Variants in TRIM69 observed in about 807,000 individuals in gnomAD.
The protein encoded by TRIM69 is E3 ubiquitin-protein ligase TRIM69.
TRIM69 carries 29 observed loss-of-function variants against 37.7 expected under a neutral mutation model. The observed-to-expected ratio is 0.77, with a 90% CI of 0.57 to 1.05. The LOEUF is 1.05. Among genes scored for constraint, TRIM69 ranks in the 50% least tolerant of loss-of-function variants. The pLI, the probability that TRIM69 is intolerant of heterozygous loss-of-function variation, is 0.00. For missense variants in TRIM69, 596 were observed against 579.9 expected (o/e 1.03, Z -0.28); for synonymous variants, 209 against 212.4 (o/e 0.98, Z 0.14).
chr15:44,746,773 CACACAT>C (rs1237869480), intron 1 of TRIM69, among the ~76,000 whole-genome samples: 14 of 151,582 alleles, frequency 9.2e-5, no homozygotes, highest in African/African-American at 1.7e-4. Context: ...CACACACACA[CACACAT>C]CTTTCTTTAA....
chr15:44,767,402 G>A lies in TRIM69; in HGVS notation c.1133G>A (p.Trp378Ter), dbSNP rs751612940. 1 of 1,614,128 alleles carries A rather than the reference G, an allele frequency of 6.2e-7. No individual in the cohort carries two copies. Among genetic ancestry groups the A allele is most frequent in the Non-Finnish European group, 8.5e-7 (1 of 1,180,026 alleles). The change falls in exon 7 of 7, where the codon TGG becomes TAG. Residue 378 changes from tryptophan (W) to a stop codon, truncating the protein, a stop_gained. Coordinates refer to ENST00000329464, the MANE Select transcript of TRIM69 (RefSeq NM_182985.5). LOFTEE classifies it high-confidence loss of function. ...TCAAGAGGCTTCACCTCTGGAAAGT[G>A]GTACTGGGAAGTAGAAGTAGCAAAG... is the stretch of plus-strand genomic sequence containing the variant. ...LGSRGFTSGKWYWEVEVAKKT... is the reference protein window; with the variant it reads ...LGSRGFTSGK
At chr15:44,744,868 G>C (rs1017675733) in intron 1 of TRIM69, among the ~76,000 whole-genome samples, 2 of 152,130 alleles carry the variant, frequency 1.3e-5, no homozygotes, top group Non-Finnish European at 2.9e-5. Flanking sequence ...TGGAGGTATA[G>C]TTTGGAAACA....
chr15:44,744,797 A>G (rs1371800536), intron 1 of TRIM69, among the ~76,000 whole-genome samples: 1 of 152,164 alleles, frequency 6.6e-6, no homozygotes. Flanking sequence ...GAAGTATTAC[A>G]TAAAAGGCTT....
chr15:44,740,748 T>C (rs2141307133), intron 1 of TRIM69, among the ~76,000 whole-genome samples: 1 of 151,398 alleles, frequency 6.6e-6, no homozygotes, highest in African/African-American at 2.4e-5. Flanking sequence ...AAGGGATCAA[T>C]TCAACAAGAA....
intron 1 of TRIM69, among the ~76,000 whole-genome samples, chr15:44,745,593 T>A (rs1323792048): frequency 6.6e-6 from 1 of 152,144 alleles, no homozygotes; most frequent in Non-Finnish European, 1.5e-5. Context: ...TAGACAAAGA[T>A]TTTATATCAA....
intron 1 of TRIM69, among the ~76,000 whole-genome samples, chr15:44,747,568 C>T (rs1197677846): frequency 2.0e-5 from 3 of 152,050 alleles, no homozygotes; most frequent in East Asian, 1.9e-4. Flanking sequence ...GAGTGAGAAG[C>T]GTCAACATCT....
Position 44,755,307 on chromosome 15 carries a change from G to A in TRIM69, c.414G>A (p.Lys138=). The change falls in exon 2 of 7, where the codon AAG becomes AAA. Residue 138 remains lysine (K), a synonymous_variant. Coordinates refer to ENST00000329464, the MANE Select transcript of TRIM69 (RefSeq NM_182985.5). ...GGAAACTGATCTGCTTTCAATGCAA[G>A]GATGCTCGGTTGTCTGTGGGGCAGT... ...PDGKLICFQC[K]DARLSVGQSK... The A allele has an allele frequency of 6.2e-7, 1 of 1,614,100 alleles. No homozygotes were observed. Among genetic ancestry groups the A allele is most frequent in the Non-Finnish European group, 8.5e-7 (1 of 1,180,020 alleles).
chr15:44,764,514 T>A (rs539338938), intron 6 of TRIM69, among the ~76,000 whole-genome samples: 1 of 151,968 alleles, frequency 6.6e-6, no homozygotes, highest in Non-Finnish European at 1.5e-5. Flanking sequence ...CACTTTTCTG[T>A]AAAGGTTTGA....
rs2087730073 is a variant in TRIM69, at chr15:44,759,633, C to A, written c.814-7C>A. ...CATCTGATGTCTCTCTTTCTCCTTT[C>A]TTCTAGGACATCACAACTCTCTTAC... On this transcript the variant is annotated splice_region_variant and splice_polypyrimidine_tract_variant and intron_variant, in intron 4 of 6. Coordinates refer to ENST00000329464, the MANE Select transcript of TRIM69 (RefSeq NM_182985.5). The A allele has an allele frequency of 1.2e-6, 2 of 1,613,686 alleles. No individual in the cohort carries two copies. Among genetic ancestry groups the A allele is most frequent in the Non-Finnish European group, 1.7e-6 (2 of 1,179,866 alleles).
intron 1 of TRIM69, among the ~76,000 whole-genome samples, chr15:44,745,673 C>G (rs1004823882): frequency 6.6e-6 from 1 of 152,064 alleles, no homozygotes; most frequent in African/African-American, 2.4e-5. Flanking sequence ...ACTGATGTCT[C>G]ACCAAATAGT....
At chr15:44,755,541 G>C (rs1389725879) in intron 2 of TRIM69, among the ~76,000 whole-genome samples, 165 bp downstream of exon 2, 1 of 152,184 alleles carries the variant, frequency 6.6e-6, no homozygotes, top group Non-Finnish European at 1.5e-5. Flanking sequence ...TTCTAGAGTT[G>C]CTGCTTATAG....
intron 1 of TRIM69, among the ~76,000 whole-genome samples, chr15:44,751,519 C>G (rs1203106344): frequency 6.6e-6 from 1 of 152,126 alleles, no homozygotes; most frequent in Non-Finnish European, 1.5e-5. Context: ...TCTGCTTTGG[C>G]CTCCCAAAAT....
At chr15:44,756,316 TG>T in intron 2 of TRIM69, 51 bp from the exon 3 acceptor site, 1 of 1,304,712 alleles carries the variant, frequency 7.7e-7, no homozygotes, top group Non-Finnish European at 1.1e-6. Flanking sequence ...ATGTCCTTTA[TG>T]GTCCTTCATC....
intron 1 of TRIM69, among the ~76,000 whole-genome samples, chr15:44,750,165 CTG>C (rs1426468280): frequency 6.6e-6 from 1 of 152,136 alleles, no homozygotes; most frequent in Non-Finnish European, 1.5e-5. Flanking sequence ...TTCTTCCATT[CTG>C]TGAGTTGTCT....
intron 5 of TRIM69, 42 bp downstream of exon 5, chr15:44,759,704 T>C (rs199955752): frequency 6.2e-7 from 1 of 1,614,104 alleles, no homozygotes; most frequent in East Asian, 2.2e-5. Flanking sequence ...ATTCCTTGAG[T>C]CTCTGGAGGA....
chr15:44,752,581 A>G (rs925064486), intron 1 of TRIM69, among the ~76,000 whole-genome samples: 3 of 152,070 alleles, frequency 2.0e-5, no homozygotes, highest in Admixed American at 2.0e-4. Flanking sequence ...CCATTTTCCT[A>G]ATCTGTGCCT....
In TRIM69 at chr15:44,767,591, A is replaced by G. The variant is rs140705646; in HGVS notation, c.1322A>G (p.Asp441Gly). 5.9e-5 allele frequency: 95 copies of G among 1,614,218 alleles called. No homozygotes were observed. The African/African-American group carries it at 1.3e-3, about 21-fold the overall frequency. ...AGTCTGACACTGACTAACAACCTCG[A>G]CAAGGTGGGCATATACCTGGATTAT... ...SFSLTLTNNL[D>G]KVGIYLDYEG... The change falls in exon 7 of 7, where the codon GAC (aspartate) becomes GGC (glycine). Residue 441 changes from aspartate to glycine, a missense_variant. By Grantham distance (94) the Asp-to-Gly change is moderately conservative (BLOSUM62 -1). Coordinates refer to ENST00000329464, the MANE Select transcript of TRIM69 (RefSeq NM_182985.5).
At position 44,758,456 on chromosome 15, in the gene TRIM69, C is replaced by T. The variant is rs1392959382; in HGVS notation, c.580-165C>T. 4 of 1,058,066 alleles carry T rather than the reference C, an allele frequency of 3.8e-6. No homozygotes were observed. The South Asian group carries it at 6.8e-5, about 18-fold the overall frequency. 65.5% of individuals were successfully genotyped at this position (1,058,066 alleles called of 1,614,324 possible). A position where few individuals can be genotyped will look rare whatever the true frequency, so the allele number is the denominator to read the frequency against. On this transcript the variant is annotated intron_variant, in intron 3 of 6. Coordinates refer to ENST00000329464, the MANE Select transcript of TRIM69 (RefSeq NM_182985.5). ...AATTAGTTGGAAAAGGAGTAAGTCT[C>T]CCAAAGGACTCATTTTAGTATGACT...
chr15:44,766,154 A>G (rs1353710778), intron 6 of TRIM69, among the ~76,000 whole-genome samples: 1 of 152,126 alleles, frequency 6.6e-6, no homozygotes, highest in Non-Finnish European at 1.5e-5. Context: ...GAAAAAGTAA[A>G]ATTAAAAAAA....
Sources: allele counts gnomAD v4.1 joint callset (sites outside exome capture counted in the v4.1 genomes callset), GRCh38; gene constraint gnomAD v4.1.1; transcripts MANE v1.5; gene names NCBI Gene and HGNC (gene_info 2026-07-23, HGNC 2026-07-21).